The following SYNDIG1 variants were observed in gnomAD, a reference collection of about 807,000 sequenced individuals.
SYNDIG1 encodes synapse differentiation-inducing gene protein 1.
SYNDIG1 carries 9 observed loss-of-function variants against 19.4 expected under a neutral mutation model. That is an observed-to-expected ratio of 0.46 (90% CI 0.28 to 0.81). The LOEUF is 0.81. Ranked by LOEUF, SYNDIG1 falls within the 30% of genes least tolerant of loss-of-function variation. The pLI, the probability that SYNDIG1 is intolerant of heterozygous loss-of-function variation, is 0.12. For synonymous variants in SYNDIG1, 141 were observed against 145.9 expected, an observed-to-expected ratio of 0.97 and a Z score of 0.24; for missense variants, 311 against 343.3, an observed-to-expected ratio of 0.91 and a Z score of 0.74.
chr20:24,522,253 C>A (rs554879323), intron 1 of SYNDIG1, among the ~76,000 whole-genome samples: 1 of 152,118 alleles, frequency 6.6e-6, no homozygotes, highest in South Asian at 2.1e-4. Context: ...ATATGCCTGG[C>A]CAGCTTTAAA....
At chr20:24,525,631 G>C (rs1191737441) in intron 1 of SYNDIG1, among the ~76,000 whole-genome samples, 1 of 152,140 alleles carries the variant, frequency 6.6e-6, no homozygotes, top group South Asian at 2.1e-4. Flanking sequence ...AAGAAAGAGA[G>C]AGAAGAATGG....
At chr20:24,544,243 C>T (rs1040547270) in intron 2 of SYNDIG1, among the ~76,000 whole-genome samples, 3 of 152,108 alleles carry the variant, frequency 2.0e-5, no homozygotes, top group Non-Finnish European at 4.4e-5. Flanking sequence ...GCACATTGTC[C>T]CCCCAGGACA....
At chr20:24,516,512 T>G (rs1342204307) in intron 1 of SYNDIG1, among the ~76,000 whole-genome samples, 1 of 152,208 alleles carries the variant, frequency 6.6e-6, no homozygotes, top group Non-Finnish European at 1.5e-5. Context: ...GTGAAGGATA[T>G]GAACAGACAC....
intron 1 of SYNDIG1, among the ~76,000 whole-genome samples, chr20:24,475,642 G>C (rs539500413): frequency 1.3e-5 from 2 of 152,328 alleles, no homozygotes; most frequent in African/African-American, 4.8e-5. Context: ...GTTTGCCTCA[G>C]ATCTCCCATG....
At chr20:24,664,071 A>C (rs1030701341) in intron 3 of SYNDIG1, among the ~76,000 whole-genome samples, 1 of 152,100 alleles carries the variant, frequency 6.6e-6, no homozygotes, top group Admixed American at 6.5e-5. Flanking sequence ...CTCAGTTCCA[A>C]GACAAAAAGT....
chr20:24,583,536 T>C (rs564528732), intron 2 of SYNDIG1, among the ~76,000 whole-genome samples: 231 of 152,320 alleles, frequency 1.5e-3, no homozygotes, highest in Middle Eastern at 6.8e-3. Flanking sequence ...ATAGGACAAA[T>C]GCCTAGGCAG....
intron 1 of SYNDIG1, among the ~76,000 whole-genome samples, chr20:24,501,296 C>T (rs763599275): frequency 6.6e-5 from 10 of 152,220 alleles, no homozygotes; most frequent in Non-Finnish European, 1.2e-4. Flanking sequence ...ACCTAAATGT[C>T]GTACCTGTAG....
Position 24,547,570 on chromosome 20 carries a change from G to A in SYNDIG1, c.480+3993G>A, listed in dbSNP as rs78226419. The stretch of plus-strand genomic sequence containing the variant: ...GCCGCTCATTATCTAGTGCCACTGC[G>A]CTCAGGGTGACAAGACAGGCATCCT... On this transcript the variant is annotated intron_variant, in intron 2 of 3. Coordinates refer to ENST00000376862, the MANE Select transcript of SYNDIG1 (RefSeq NM_024893.3). 7.2e-3 allele frequency among the ~76,000 whole-genome samples: 1,098 copies of A among 152,194 alleles called. 14 individuals carry two copies. The highest frequency in any genetic ancestry group is 0.023 in the African/African-American group (948 of 41,532).
At chr20:24,494,532 A>G (rs543181180) in intron 1 of SYNDIG1, among the ~76,000 whole-genome samples, 1 of 152,330 alleles carries the variant, frequency 6.6e-6, no homozygotes, top group African/African-American at 2.4e-5. Context: ...GACATCACTC[A>G]TTCCTGGGGG....
At chr20:24,488,703 C>T (rs187373829) in intron 1 of SYNDIG1, among the ~76,000 whole-genome samples, 8 of 152,360 alleles carry the variant, frequency 5.3e-5, no homozygotes, top group Admixed American at 1.3e-4. Context: ...CCCAGGCAGG[C>T]CCACGGTGTC....
At chr20:24,573,986 C>T (rs1384944434) in intron 2 of SYNDIG1, among the ~76,000 whole-genome samples, 1 of 152,166 alleles carries the variant, frequency 6.6e-6, no homozygotes, top group East Asian at 1.9e-4. Flanking sequence ...AATCTCTGCC[C>T]CCAGGAGACC....
intron 2 of SYNDIG1, among the ~76,000 whole-genome samples, chr20:24,573,613 A>G (rs1020614820): frequency 1.3e-5 from 2 of 152,238 alleles, no homozygotes; most frequent in African/African-American, 4.8e-5. Flanking sequence ...TCACGTAGTG[A>G]TCTTTCACAC....
rs547789930 is a variant in SYNDIG1 at position 24,660,825 on chromosome 20, G to A, written c.619-4521G>A. Among the ~76,000 whole-genome samples, 31 of 152,342 alleles carry A rather than the reference G, an allele frequency of 2.0e-4. 1 individual carries two copies. In the South Asian group the frequency reaches 6.0e-3, roughly 30 times the overall value. On this transcript the variant is annotated intron_variant, in intron 3 of 3. Transcript: ENST00000376862. ...ATGTCTGGTCCCTGGAGAACACCTA[G>A]GCCTTTGTTCCCTGCCCAGCCAGGG...
intron 2 of SYNDIG1, among the ~76,000 whole-genome samples, chr20:24,572,204 G>C (rs769976856): frequency 7.9e-5 from 12 of 152,224 alleles, no homozygotes; most frequent in Non-Finnish European, 1.5e-4. Context: ...TGTGTGGCGA[G>C]CAGCAGGACC....
intron 3 of SYNDIG1, among the ~76,000 whole-genome samples, chr20:24,652,300 G>A (rs963491317): frequency 2.0e-4 from 30 of 152,314 alleles, no homozygotes; most frequent in Middle Eastern, 3.4e-3. Context: ...CCTGTCCCTA[G>A]TCTCTGCTCA....
chr20:24,509,669 T>C (rs1459112304), intron 1 of SYNDIG1, among the ~76,000 whole-genome samples: 1 of 152,254 alleles, frequency 6.6e-6, no homozygotes, highest in Non-Finnish European at 1.5e-5. Flanking sequence ...AGTGGTTCAT[T>C]CAGTTTTTGT....
chr20:24,606,535 A>G (rs1389400658), intron 3 of SYNDIG1, among the ~76,000 whole-genome samples: 11 of 152,262 alleles, frequency 7.2e-5, no homozygotes, highest in Non-Finnish European at 1.6e-4. Context: ...ATTGAATATT[A>G]TATTATTGAG....
At chr20:24,513,669 G>A (rs546691178) in intron 1 of SYNDIG1, among the ~76,000 whole-genome samples, 13 of 152,152 alleles carry the variant, frequency 8.5e-5, no homozygotes, top group Non-Finnish European at 1.2e-4. Flanking sequence ...TGAAAGTGAC[G>A]GGGAGAATGG....
chr20:24,560,063 C>CTTTTTTTTTTTTTT lies in SYNDIG1; in HGVS notation c.480+16501_480+16514dup, dbSNP rs60892856. Among the ~76,000 whole-genome samples the CTTTTTTTTTTTTTT allele has an allele frequency of 6.3e-4, 27 of 43,046 alleles. 11 individuals carry two copies. Among genetic ancestry groups the CTTTTTTTTTTTTTT allele is most frequent in the African/African-American group, 1.9e-3 (13 of 6,694 alleles). 28.2% of individuals were successfully genotyped at this position (43,046 alleles called of 152,430 possible). A position where few individuals can be genotyped will look rare whatever the true frequency, so the allele number is the denominator to read the frequency against. On this transcript the variant is annotated intron_variant, in intron 2 of 3. Transcript: ENST00000376862. ...TTTTTTTTAACATTTCTCTCCTCTC[C>CTTTTTTTTTTTTTT]TTTTTTTTTTTTTTTTTTTTTTTTT... is the stretch of plus-strand genomic sequence containing the variant.
Sources: gnomAD v4.1 joint callset for allele counts (sites outside exome capture counted in the v4.1 genomes callset) on GRCh38, gnomAD v4.1.1 for gene constraint, MANE v1.5 for transcripts, NCBI Gene and HGNC (gene_info 2026-07-23, HGNC 2026-07-21) for gene names.